The following BTNL2 variants were observed in gnomAD, a reference collection of about 807,000 sequenced individuals.
BTNL2 encodes the protein butyrophilin like 2, also known as butyrophilin-like protein 2.
In BTNL2, 46 loss-of-function variants were observed where a neutral mutation model predicts 46.8. The ratio of observed to expected loss-of-function variants is 0.98; its 90% CI spans 0.78 to 1.26. The LOEUF is 1.26. Among genes scored for constraint, BTNL2 ranks in the 50% most tolerant of loss-of-function variants. The pLI is 0.00. For synonymous variants in BTNL2, 226 were observed against 229.1 expected, an observed-to-expected ratio of 0.99 and a Z score of 0.12; for missense variants, 461 against 592.6, an observed-to-expected ratio of 0.78 and a Z score of 2.31.
rs924054112 is a variant in BTNL2 at position 32,393,877 on chromosome 6, G to A, written c.*6+86C>T. On this transcript the variant is annotated intron_variant, in intron 7 of 7. Transcript: ENST00000454136. The surrounding 1 kb of genome is among the most constrained non-coding windows in gnomAD (Gnocchi z 4.8). ...GATATTCACTGACTGCCTCCCATAGGTGACTTGTGAAAAGGGAGGCTCGGG... is the reference window on the plus strand; with the variant it reads ...GATATTCACTGACTGCCTCCCATAGATGACTTGTGAAAAGGGAGGCTCGGG... 2 of 1,487,628 alleles carry A rather than the reference G, an allele frequency of 1.3e-6. No homozygotes were observed. The highest frequency in any genetic ancestry group is 2.8e-5 in the African/African-American group (2 of 70,918). 92.2% of individuals were successfully genotyped at this position (1,487,628 alleles called of 1,614,324 possible). A position where few individuals can be genotyped will look rare whatever the true frequency, so the allele number is the denominator to read the frequency against.
intron 4 of BTNL2, among the ~76,000 whole-genome samples, chr6:32,397,436 AT>A (rs1236921389): frequency 1.3e-5 from 2 of 152,118 alleles, no homozygotes; most frequent in African/African-American, 4.8e-5. Flanking sequence ...GTCTGACCAA[AT>A]TGCTGCTTTG....
chr6:32,404,060 C>CTCTA (rs1776959998), intron 2 of BTNL2, among the ~76,000 whole-genome samples: 1 of 152,022 alleles, frequency 6.6e-6, no homozygotes, highest in Non-Finnish European at 1.5e-5. Flanking sequence ...ATATGTATTC[C>CTCTA]TCCATCCATT....
At chr6:32,395,308 G>A (rs1447260566) in intron 5 of BTNL2, among the ~76,000 whole-genome samples, 6 of 152,052 alleles carry the variant, frequency 3.9e-5, no homozygotes, top group Admixed American at 2.0e-4. Flanking sequence ...AAATAACTTC[G>A]GCCAGGGCAT....
chr6:32,400,756 A>AAAAAAAAAC (rs1219052375), intron 4 of BTNL2, among the ~76,000 whole-genome samples: 2 of 140,346 alleles, frequency 1.4e-5, no homozygotes, highest in East Asian at 4.3e-4. Flanking sequence ...AAAAAAAAAA[A>AAAAAAAAAC]AAAAAAATTA....
At chr6:32,404,809 T>G in intron 2 of BTNL2, 130 bp downstream of exon 2, 1 of 850,416 alleles carries the variant, frequency 1.2e-6, no homozygotes, top group Non-Finnish European at 1.8e-6. Context: ...TTTAAATCAA[T>G]CAGGGTAGAG....
At position 32,394,032 on chromosome 6, in the gene BTNL2, T is replaced by C. The variant is rs34926345; in HGVS notation, c.1386A>G (p.Lys462=). Residue 462 remains lysine (K), a synonymous_variant, in exon 7 of 8, where the codon AAA becomes AAG. Coordinates refer to ENST00000454136, the MANE Select transcript of BTNL2 (RefSeq NM_001304561.2). This position sits in a 1 kb window ranked among gnomAD's most constrained non-coding sequence, Gnocchi z 4.6. ...LSESRMTFLW[K]TLLVWGLLLA... ...GAAGCAATCCCCAAACAAGCAGTGT[T>C]TTCCACAAAAACGTCATCCTGGACT... 196,744 of 1,518,954 alleles carry C rather than the reference T, an allele frequency of 0.13. 15,870 individuals carry two copies. The highest frequency in any genetic ancestry group is 0.13 in the Non-Finnish European group (148,914 of 1,120,514). The allele number at this position is 1,518,954 out of a possible 1,614,324, so 94.1% of individuals were successfully genotyped here.
At position 32,396,495 on chromosome 6, in the gene BTNL2, T is replaced by C; in HGVS notation, c.731-109A>G. 9.0e-7 allele frequency: 1 copy of C among 1,111,514 alleles called. No homozygotes were observed. The highest frequency in any genetic ancestry group is 1.3e-6 in the Non-Finnish European group (1 of 760,336). The allele number at this position is 1,111,514 out of a possible 1,614,324, so 68.9% of individuals were successfully genotyped here. A position where few individuals can be genotyped will look rare whatever the true frequency, so the allele number is the denominator to read the frequency against. Reference sequence around the variant, plus strand: ...TTAGAAACCATGAGCATCCCAGGGTTGCTGTGAGGCTCAGGGTCATCCTTA... The same window carrying C: ...TTAGAAACCATGAGCATCCCAGGGTCGCTGTGAGGCTCAGGGTCATCCTTA... On this transcript the variant is annotated intron_variant, in intron 4 of 7. Coordinates refer to ENST00000454136, the MANE Select transcript of BTNL2 (RefSeq NM_001304561.2). This position sits in a 1 kb window ranked among gnomAD's most constrained non-coding sequence, Gnocchi z 4.4.
chr6:32,399,955 G>C lies in BTNL2; in HGVS notation c.730+1830C>G, dbSNP rs117774706. On this transcript the variant is annotated intron_variant, in intron 4 of 7. Transcript: ENST00000454136. This position sits in a 1 kb window ranked among gnomAD's most constrained non-coding sequence, Gnocchi z 5.2. The stretch of plus-strand genomic sequence containing the variant: ...GCAAAGGGAAGCTCCATCTTTCCGT[G>C]TTGGTTAATTGTGGCCCCGGAGGTT... Among the ~76,000 whole-genome samples, 2,649 of 152,208 alleles carry C rather than the reference G, an allele frequency of 0.017. 77 individuals are homozygous for C. Among genetic ancestry groups the C allele is most frequent in the East Asian group, 0.11 (556 of 5,150 alleles).
intron 3 of BTNL2, 52 bp from the exon 4 acceptor site, chr6:32,401,857 A>T (rs765225980): frequency 2.0e-6 from 3 of 1,531,126 alleles, no homozygotes; most frequent in Admixed American, 3.6e-5. Flanking sequence ...AAGGGAAAGG[A>T]GAGAAACTAT....
intron 5 of BTNL2, 55 bp downstream of exon 5, chr6:32,395,984 T>C: frequency 1.5e-6 from 2 of 1,378,564 alleles, no homozygotes; most frequent in Non-Finnish European, 2.0e-6. Flanking sequence ...GGAACTAGCA[T>C]ATTAAAGTGG....
In BTNL2 at chr6:32,399,079, T is replaced by TC. The variant is rs141741034; in HGVS notation, c.731-2694dup. Among the ~76,000 whole-genome samples the TC allele has an allele frequency of 0.012, 1,816 of 151,050 alleles. 77 individuals are homozygous for TC. Among genetic ancestry groups the TC allele is most frequent in the East Asian group, 0.074 (364 of 4,902 alleles). ...TAGCTGTTCTTCCTGATGCTCTCCC[T>TC]CCCCCATCCCCCAACAGGTGTCCAG... On this transcript the variant is annotated intron_variant, in intron 4 of 7. Transcript: ENST00000454136. The surrounding 1 kb of genome is among the most constrained non-coding windows in gnomAD (Gnocchi z 5.2).
chr6:32,400,945 A>G (rs1032218523), intron 4 of BTNL2, among the ~76,000 whole-genome samples: 1 of 137,402 alleles, frequency 7.3e-6, no homozygotes, highest in African/African-American at 2.7e-5. Context: ...GTGGTGGCTC[A>G]CGCCTGTAAT....
chr6:32,396,928 T>C lies in BTNL2; in HGVS notation c.731-542A>G, dbSNP rs370972850. 0.011 allele frequency among the ~76,000 whole-genome samples: 1,729 copies of C among 151,968 alleles called. 56 individuals carry two copies. Among genetic ancestry groups the C allele is most frequent in the East Asian group, 0.1 (515 of 5,068 alleles). ...CCGGGAGGCAGAGGTTGCAGTGAGC[T>C]GAGATCATGCCACTGCACTCCAGGC... On this transcript the variant is annotated intron_variant, in intron 4 of 7. Transcript: ENST00000454136. This position sits in a 1 kb window ranked among gnomAD's most constrained non-coding sequence, Gnocchi z 4.4.
At chr6:32,402,234 GT>G (rs535914577) in intron 3 of BTNL2, among the ~76,000 whole-genome samples, 20 of 152,070 alleles carry the variant, frequency 1.3e-4, no homozygotes, top group Non-Finnish European at 2.1e-4. Flanking sequence ...TAACTTTAAA[GT>G]TTTTTTAATC....
intron 2 of BTNL2, among the ~76,000 whole-genome samples, chr6:32,403,954 C>T (rs115020225): frequency 0.1 from 15,859 of 152,082 alleles, 952 homozygotes; most frequent in East Asian, 0.2. Flanking sequence ...AGATCCACTC[C>T]CTTCCCTTGG....
chr6:32,396,494 T>A lies in BTNL2; in HGVS notation c.731-108A>T. ...TTTAGAAACCATGAGCATCCCAGGG[T>A]TGCTGTGAGGCTCAGGGTCATCCTT... On this transcript the variant is annotated intron_variant, in intron 4 of 7. Transcript: ENST00000454136. The surrounding 1 kb of genome is among the most constrained non-coding windows in gnomAD (Gnocchi z 4.4). 1 of 1,116,006 alleles carries A rather than the reference T, an allele frequency of 9.0e-7. No homozygotes were observed. Among genetic ancestry groups the A allele is most frequent in the Non-Finnish European group, 1.3e-6 (1 of 764,260 alleles). 69.1% of individuals were successfully genotyped at this position (1,116,006 alleles called of 1,614,324 possible).
At position 32,404,971 on chromosome 6, in the gene BTNL2, C is replaced by T. The variant is rs1777025805; in HGVS notation, c.395G>A (p.Cys132Tyr). 6.2e-7 allele frequency: 1 copy of T among 1,613,078 alleles called. No individual in the cohort carries two copies. Among genetic ancestry groups the T allele is most frequent in the Non-Finnish European group, 8.5e-7 (1 of 1,180,030 alleles). Residue 132 changes from cysteine to tyrosine, a missense_variant, in exon 2 of 8, where the codon TGT becomes TAT. Transcript: ENST00000454136. ...YWCHFQDGNY[C>Y]GETSLLLKVA... ...TTTGAGCAGCAAGCTTGTTTCTCCA[C>T]AGTAGTTCCCATCCTGGAAATGGCA...
At chr6:32,395,509 T>C (rs1169701741) in intron 5 of BTNL2, among the ~76,000 whole-genome samples, 1 of 152,194 alleles carries the variant, frequency 6.6e-6, no homozygotes, top group African/African-American at 2.4e-5. Context: ...ATCCAAGACT[T>C]GGGCCTATAT....
At chr6:32,407,017 A>G (rs755136428) in intron 1 of BTNL2, 28 bp downstream of exon 1, 1 of 1,603,292 alleles carries the variant, frequency 6.2e-7, no homozygotes, top group Non-Finnish European at 8.5e-7. Flanking sequence ...ACATTAGACT[A>G]TACAGTAAAG....
Sources: allele counts gnomAD v4.1 joint callset (sites outside exome capture counted in the v4.1 genomes callset), GRCh38; gene constraint gnomAD v4.1.1; non-coding constraint Gnocchi (gnomAD v3.1); transcripts MANE v1.5; gene names NCBI Gene and HGNC (gene_info 2026-07-23, HGNC 2026-07-21).